RCSD1: variants seen among roughly 807,000 people sequenced by gnomAD.
The protein encoded by RCSD1 is capZ-interacting protein.
RCSD1 carries 26 observed loss-of-function variants against 42.5 expected under a neutral mutation model. That is an observed-to-expected ratio of 0.61 (90% CI 0.45 to 0.85). RCSD1 has a LOEUF of 0.85. Among genes scored for constraint, RCSD1 ranks in the 40% least tolerant of loss-of-function variants. RCSD1 has a pLI of 0.00. For missense variants in RCSD1, 571 were observed against 528.3 expected, an observed-to-expected ratio of 1.08 and a Z score of -0.79; for synonymous variants, 220 against 212.2, an observed-to-expected ratio of 1.04 and a Z score of -0.32.
intron 1 of RCSD1, among the ~76,000 whole-genome samples, chr1:167,656,212 C>T (rs747793041): frequency 2.6e-5 from 4 of 152,092 alleles, no homozygotes; most frequent in Non-Finnish European, 1.5e-5. Flanking sequence ...GAGGCGCAAG[C>T]GGAGGACTTG....
intron 1 of RCSD1, among the ~76,000 whole-genome samples, chr1:167,638,734 C>G (rs1035431258): frequency 4.6e-4 from 70 of 152,380 alleles, no homozygotes; most frequent in African/African-American, 1.7e-3. Flanking sequence ...CTGGGTGAAA[C>G]TGGTGCCCAC....
chr1:167,660,349 C>T (rs1210908678), intron 1 of RCSD1, among the ~76,000 whole-genome samples: 1 of 152,176 alleles, frequency 6.6e-6, no homozygotes, highest in Non-Finnish European at 1.5e-5. Flanking sequence ...ATCCTTACCC[C>T]ATCACTTCTC....
intron 1 of RCSD1, among the ~76,000 whole-genome samples, chr1:167,673,426 G>A (rs977208028): frequency 5.9e-5 from 9 of 152,194 alleles, no homozygotes; most frequent in African/African-American, 2.2e-4. Flanking sequence ...CAGTATAACA[G>A]CTTTCACCAA....
chr1:167,649,580 C>T (rs1339153309), intron 1 of RCSD1, among the ~76,000 whole-genome samples: 1 of 152,176 alleles, frequency 6.6e-6, no homozygotes, highest in Non-Finnish European at 1.5e-5. Flanking sequence ...AGGAAGTTGG[C>T]TCTGGCCGTG....
At chr1:167,669,801 A>G (rs1658757259) in intron 1 of RCSD1, among the ~76,000 whole-genome samples, 1 of 152,192 alleles carries the variant, frequency 6.6e-6, no homozygotes, top group Non-Finnish European at 1.5e-5. Flanking sequence ...GCCCAGCACC[A>G]TGTCCTGCTA....
intron 5 of RCSD1, among the ~76,000 whole-genome samples, chr1:167,695,120 T>G (rs997197641): frequency 6.6e-6 from 1 of 151,732 alleles, no homozygotes; most frequent in African/African-American, 2.4e-5. Context: ...CTCAAGGAAA[T>G]AAACTAGTGG....
chr1:167,686,710 C>T (rs1337814661), intron 3 of RCSD1, among the ~76,000 whole-genome samples: 4 of 152,222 alleles, frequency 2.6e-5, no homozygotes, highest in Non-Finnish European at 4.4e-5. Flanking sequence ...GGGTCATCAG[C>T]CAGTGCTGTG....
Position 167,685,419 on chromosome 1 carries a change from A to G in RCSD1, c.109-2A>G. 1.2e-6 allele frequency: 2 copies of G among 1,613,238 alleles called. No homozygotes were observed. The highest frequency in any genetic ancestry group is 1.7e-6 in the Non-Finnish European group (2 of 1,179,612). On this transcript the variant is annotated splice_acceptor_variant, in intron 2 of 6. Transcript: ENST00000367854. LOFTEE classifies it high-confidence loss of function. ...TGTGTCTGTCTGTCGCCCTCCCTCC[A>G]GACACCAGCCAGTAAACCAACCCGA...
chr1:167,634,189 C>T (rs1386250451), intron 1 of RCSD1, among the ~76,000 whole-genome samples: 1 of 152,216 alleles, frequency 6.6e-6, no homozygotes, highest in Non-Finnish European at 1.5e-5. Flanking sequence ...CCAGACTCTA[C>T]AGCACTCTCA....
intron 1 of RCSD1, among the ~76,000 whole-genome samples, chr1:167,661,939 G>A (rs966109287): frequency 2.6e-5 from 4 of 152,302 alleles, no homozygotes; most frequent in African/African-American, 9.6e-5. Flanking sequence ...TTTCCCATGA[G>A]GAATATAATG....
In RCSD1 at chr1:167,707,138, A is replaced by G. The variant is rs1390394425; in HGVS notation, c.*2442A>G. Among the ~76,000 whole-genome samples the G allele has an allele frequency of 1.3e-5, 2 of 152,230 alleles. No homozygotes were observed. The highest frequency in any genetic ancestry group is 2.9e-5 in the Non-Finnish European group (2 of 68,046). ...TTGAAGGGATCTGCCACTATTTAAA[A>G]GGGGATTAGGATTCTGTTTCAGCTG... On this transcript the variant is annotated 3_prime_UTR_variant, in exon 7 of 7. Coordinates refer to ENST00000367854, the MANE Select transcript of RCSD1 (RefSeq NM_052862.4).
Position 167,643,051 on chromosome 1 carries a change from C to T in RCSD1, c.6+12622C>T, listed in dbSNP as rs571532873. ...GGGTCAGTTACCAGCCTCAGGATCC[C>T]GGTCAGTTCCGTGCTCTGTAAAACC... On this transcript the variant is annotated intron_variant, in intron 1 of 6. Coordinates refer to ENST00000367854, the MANE Select transcript of RCSD1 (RefSeq NM_052862.4). Among the ~76,000 whole-genome samples, 24 of 152,308 alleles carry T rather than the reference C, an allele frequency of 1.6e-4. No homozygotes were observed. The South Asian group carries it at 4.1e-3, about 26-fold the overall frequency.
At chr1:167,682,871 C>CTG (rs1200726459) in intron 1 of RCSD1, among the ~76,000 whole-genome samples, 4 of 152,168 alleles carry the variant, frequency 2.6e-5, no homozygotes, top group Non-Finnish European at 5.9e-5. Context: ...AGTTCGAAGT[C>CTG]TGTGTAAGAA....
At chr1:167,689,772 C>T (rs915138438) in intron 3 of RCSD1, among the ~76,000 whole-genome samples, 4 of 152,116 alleles carry the variant, frequency 2.6e-5, no homozygotes, top group Non-Finnish European at 4.4e-5. Flanking sequence ...TTCATAACAA[C>T]AATGAAGTCA....
intron 1 of RCSD1, among the ~76,000 whole-genome samples, chr1:167,645,547 G>A (rs1035568765): frequency 6.6e-6 from 1 of 152,204 alleles, no homozygotes; most frequent in Non-Finnish European, 1.5e-5. Flanking sequence ...TTATTCAACT[G>A]AAGAAGGCTT....
intron 1 of RCSD1, among the ~76,000 whole-genome samples, chr1:167,650,510 T>C (rs1174182721): frequency 2.0e-5 from 3 of 152,046 alleles, no homozygotes; most frequent in Admixed American, 6.5e-5. Flanking sequence ...TTCCTGACTC[T>C]CGAGTGTTTG....
intron 5 of RCSD1, 137 bp from the exon 6 acceptor site, chr1:167,696,962 G>C (rs995588460): frequency 8.2e-6 from 6 of 731,506 alleles, no homozygotes; most frequent in Non-Finnish European, 1.1e-5. Context: ...ACAATGATTC[G>C]TTCTCCTGGA....
chr1:167,675,471 T>C (rs541718406), intron 1 of RCSD1, among the ~76,000 whole-genome samples: 8 of 152,064 alleles, frequency 5.3e-5, no homozygotes, highest in Non-Finnish European at 8.8e-5. Flanking sequence ...CATAATTCAA[T>C]TACCTCCCAC....
chr1:167,666,215 G>A (rs1184512225), intron 1 of RCSD1, among the ~76,000 whole-genome samples: 3 of 152,152 alleles, frequency 2.0e-5, no homozygotes, highest in Non-Finnish European at 4.4e-5. Context: ...AACCAACTGA[G>A]CATGGGTTCC....
Sources: gnomAD v4.1 joint callset for allele counts (sites outside exome capture counted in the v4.1 genomes callset) on GRCh38, gnomAD v4.1.1 for gene constraint, MANE v1.5 for transcripts, NCBI Gene and HGNC (gene_info 2026-07-23, HGNC 2026-07-21) for gene names.